Variants in BCL7C observed in about 807,000 individuals in gnomAD.
BCL7C encodes BAF chromatin remodeling complex subunit BCL7C.
BCL7C carries 8 observed loss-of-function variants against 26.2 expected under a neutral mutation model. The observed-to-expected ratio is 0.30, with a 90% CI of 0.18 to 0.55. The LOEUF (loss-of-function observed/expected upper bound fraction) is 0.55. Among genes scored for constraint, BCL7C ranks in the 20% least tolerant of loss-of-function variants. The pLI, the probability that BCL7C is intolerant of heterozygous loss-of-function variation, is 0.93. For synonymous variants in BCL7C, 90 were observed against 116.5 expected (o/e 0.77, Z 1.47); for missense variants, 262 against 298.5 (o/e 0.88, Z 0.90).
chr16:30,887,866 CAG>C lies in BCL7C; in HGVS notation c.651_652del (p.Ter218ArgfsTer19), dbSNP rs1315485978. The C allele has an allele frequency of 4.4e-6, 7 of 1,573,606 alleles. No homozygotes were observed. Among genetic ancestry groups the C allele is most frequent in the Non-Finnish European group, 5.2e-6 (6 of 1,163,768 alleles). ...CAACAGGACAGGCAGGCCGGCTTCT[CAG>C]GGGTCAGGGGCATTTGGGCAGATGC... On this transcript the variant is annotated frameshift_variant and stop_lost, in exon 6 of 6. Transcript: ENST00000215115. LOFTEE classifies it high-confidence loss of function.
At chr16:30,864,178 A>T (rs1471665645) in intron 5 of BCL7C, among the ~76,000 whole-genome samples, 1 of 152,200 alleles carries the variant, frequency 6.6e-6, no homozygotes, top group Admixed American at 6.5e-5. Context: ...TTTTTAAATG[A>T]AGAGTGTTGT....
intron 5 of BCL7C, among the ~76,000 whole-genome samples, chr16:30,881,819 C>T (rs2055047930): frequency 6.6e-6 from 1 of 152,134 alleles, no homozygotes; most frequent in African/African-American, 2.4e-5. Flanking sequence ...TCAGTGAGGC[C>T]CCTGCCTCGC....
intron 5 of BCL7C, among the ~76,000 whole-genome samples, chr16:30,864,648 TTAATA>T (rs1191490868): frequency 1.4e-4 from 21 of 152,284 alleles, no homozygotes; most frequent in African/African-American, 4.3e-4. Context: ...GTTTTTCTTA[TTAATA>T]TAAGACAGGA....
chr16:30,869,402 G>C (rs867757215), intron 5 of BCL7C, among the ~76,000 whole-genome samples: 18 of 151,300 alleles, frequency 1.2e-4, no homozygotes, highest in Middle Eastern at 3.4e-3. Context: ...GTAGAGATGA[G>C]TTCTCACTAT....
At chr16:30,891,702 C>T (rs577530023) in intron 4 of BCL7C, among the ~76,000 whole-genome samples, 2 of 151,766 alleles carry the variant, frequency 1.3e-5, no homozygotes, top group African/African-American at 4.8e-5. Context: ...CAGTGACTCA[C>T]GCCTATAATC....
chr16:30,853,795 A>C (rs2054697080), intron 5 of BCL7C, among the ~76,000 whole-genome samples: 1 of 152,128 alleles, frequency 6.6e-6, no homozygotes, highest in Non-Finnish European at 1.5e-5. Context: ...GCTCCTTATT[A>C]GTCAATTCCT....
intron 5 of BCL7C, among the ~76,000 whole-genome samples, chr16:30,863,877 G>A (rs1041589891): frequency 6.6e-6 from 1 of 152,044 alleles, no homozygotes; most frequent in African/African-American, 2.4e-5. Flanking sequence ...CGCCACTCTT[G>A]ACTCCCTCTT....
chr16:30,851,977 CT>C, intron 5 of BCL7C: 1 of 161,152 alleles, frequency 6.2e-6, no homozygotes, highest in African/African-American at 2.4e-5. Context: ...ACTTATTGAG[CT>C]TTTTCACCTT....
chr16:30,856,521 G>A (rs866359374), intron 5 of BCL7C, among the ~76,000 whole-genome samples: 10 of 151,150 alleles, frequency 6.6e-5, no homozygotes, highest in Non-Finnish European at 1.0e-4. Flanking sequence ...GTCACTGTAC[G>A]TTGTTGCTGC....
rs1228089904 is a variant in BCL7C at position 30,834,966 on chromosome 16, G to A, written c.711C>T (p.Pro237=). The change falls in exon 6 of 6, where the codon CCC becomes CCT. Residue 237 remains proline, a synonymous_variant. Transcript: ENST00000380317. This position sits in a 1 kb window ranked among gnomAD's most constrained non-coding sequence, Gnocchi z 4.3. ...AGCCCACTCACCTCCCCTTACCCTGGGGGATTGTTCTGGGTGCCCTCGGGG... is the reference window on the plus strand; with the variant it reads ...AGCCCACTCACCTCCCCTTACCCTGAGGGATTGTTCTGGGTGCCCTCGGGG... 1.9e-6 allele frequency: 3 copies of A among 1,543,030 alleles called. No individual in the cohort carries two copies. The highest frequency in any genetic ancestry group is 2.7e-5 in the African/African-American group (2 of 72,766).
At chr16:30,879,915 G>A (rs182524560) in intron 5 of BCL7C, among the ~76,000 whole-genome samples, 20 of 151,668 alleles carry the variant, frequency 1.3e-4, no homozygotes, top group Admixed American at 6.6e-5. Context: ...GCGTGAACCC[G>A]GGAGGCAGAG....
rs1315415653 is a variant in BCL7C at position 30,893,859 on chromosome 16, C to A, written c.86G>T (p.Arg29Leu). The A allele has an allele frequency of 6.2e-7, 1 of 1,601,768 alleles. No homozygotes were observed. Among genetic ancestry groups the A allele is most frequent in the Non-Finnish European group, 8.5e-7 (1 of 1,178,944 alleles). The change falls in exon 1 of 6, where the codon CGG becomes CTG. Residue 29 changes from arginine to leucine, a missense_variant. By Grantham distance (102) the Arg-to-Leu change is moderately radical. Transcript: ENST00000215115. The surrounding 1 kb of genome is among the most constrained non-coding windows in gnomAD (Gnocchi z 5.2). ...KKVMATIEKV[R>L]RWEKRWVTVG... is the part of the protein sequence containing the mutation. ...GCCCCCGAGCAGCGCTCACCATCTC[C>A]GGACCTTCTCGATGGTCGCCATCAC...
intron 5 of BCL7C, among the ~76,000 whole-genome samples, chr16:30,845,356 T>C (rs2054627535): frequency 6.6e-6 from 1 of 152,226 alleles, no homozygotes. Context: ...CCTCAGGCAC[T>C]GGGCTCTCGC....
exon 6 of BCL7C, chr16:30,835,028 C>T (rs956382036): frequency 1.9e-6 from 3 of 1,549,354 alleles, no homozygotes; most frequent in Non-Finnish European, 2.6e-6. Context: ...GTGTCCGGCA[C>T]CGCCATGGAA....
intron 5 of BCL7C, among the ~76,000 whole-genome samples, chr16:30,854,965 T>A (rs918565182): frequency 4.6e-5 from 7 of 152,230 alleles, no homozygotes; most frequent in Non-Finnish European, 1.0e-4. Context: ...TCCAAAGTGC[T>A]GGGATTACAG....
chr16:30,888,393 G>A lies in BCL7C; in HGVS notation c.529-403C>T, dbSNP rs1194613269. The stretch of plus-strand genomic sequence containing the variant: ...GCTCTGTCACCCAGGCTGGAGTACA[G>A]TGGCGCGATCCTGGCTCACTGCAGC... On this transcript the variant is annotated intron_variant, in intron 5 of 5. Transcript: ENST00000215115. Among the ~76,000 whole-genome samples, 4 of 152,262 alleles carry A rather than the reference G, an allele frequency of 2.6e-5. No individual in the cohort carries two copies. In the East Asian group the frequency reaches 7.7e-4, roughly 29 times the overall value.
At chr16:30,881,427 A>ACACACACACAC (rs1567320796) in intron 5 of BCL7C, among the ~76,000 whole-genome samples, 6 of 107,822 alleles carry the variant, frequency 5.6e-5, no homozygotes, top group Non-Finnish European at 1.1e-4. Flanking sequence ...CACACACACA[A>ACACACACACAC]CAAAAAATTA....
chr16:30,880,571 C>A (rs1596613493), intron 5 of BCL7C, among the ~76,000 whole-genome samples: 1 of 149,798 alleles, frequency 6.7e-6, no homozygotes, highest in Non-Finnish European at 1.5e-5. Context: ...GTCAGAACAG[C>A]GGTTGACTCT....
rs1169852804 is a variant in BCL7C at position 30,834,297 on chromosome 16, C to T, written c.*651G>A. The T allele has an allele frequency of 6.6e-6, 1 of 152,270 alleles. No homozygotes were observed. The highest frequency in any genetic ancestry group is 2.4e-5 in the African/African-American group (1 of 41,468). 9.4% of individuals were successfully genotyped at this position (152,270 alleles called of 1,614,324 possible). On this transcript the variant is annotated 3_prime_UTR_variant, in exon 6 of 6. Coordinates refer to the BCL7C transcript ENST00000380317. The surrounding 1 kb of genome is among the most constrained non-coding windows in gnomAD (Gnocchi z 4.3). ...TGTCCACATGGGTTCCCAGGTTGGC[C>T]TGCTAGGCTGACACCCTGGTGGAAC...
Sources: allele counts gnomAD v4.1 joint callset (sites outside exome capture counted in the v4.1 genomes callset), GRCh38; gene constraint gnomAD v4.1.1; non-coding constraint Gnocchi (gnomAD v3.1); transcripts MANE v1.5; gene names NCBI Gene and HGNC (gene_info 2026-07-23, HGNC 2026-07-21).